Variants in NCAM1 observed in about 807,000 individuals in gnomAD.
NCAM1 encodes neural cell adhesion molecule 1, also known as antigen recognized by monoclonal antibody 5.1H11.
NCAM1 carries 14 observed loss-of-function variants against 109.8 expected under a neutral mutation model. The observed-to-expected ratio is 0.13, with a 90% CI of 0.08 to 0.20. The LOEUF is 0.20. Ranked by LOEUF, NCAM1 falls within the 10% of genes least tolerant of loss-of-function variation. The pLI is 1.00. For missense variants in NCAM1, 774 were observed against 1,109.9 expected, an observed-to-expected ratio of 0.70 and a Z score of 4.30; for synonymous variants, 418 against 442.9, an observed-to-expected ratio of 0.94 and a Z score of 0.70.
intron 1 of NCAM1, among the ~76,000 whole-genome samples, chr11:113,067,802 G>A (rs1260552709): frequency 5.3e-5 from 8 of 151,968 alleles, no homozygotes; most frequent in African/African-American, 1.9e-4. Context: ...TTTGAGAAAT[G>A]TCGTGTTAAC....
chr11:113,185,906 A>G (rs932567220), intron 1 of NCAM1, among the ~76,000 whole-genome samples: 1 of 152,142 alleles, frequency 6.6e-6, no homozygotes, highest in Admixed American at 6.6e-5. Flanking sequence ...GTAGCAAGGA[A>G]ATCTATTTTT....
At chr11:113,108,221 T>C (rs1271100203) in intron 1 of NCAM1, among the ~76,000 whole-genome samples, 1 of 152,164 alleles carries the variant, frequency 6.6e-6, no homozygotes, top group Non-Finnish European at 1.5e-5. Flanking sequence ...ATCTGTAAAA[T>C]GGGCTTAATT....
At chr11:113,265,138 G>A in intron 17 of NCAM1, 1 of 985,058 alleles carries the variant, frequency 1.0e-6, no homozygotes, top group Non-Finnish European at 1.2e-6. Flanking sequence ...TAGATAATCA[G>A]TGAGGGCTTT....
chr11:113,017,632 G>GTT (rs200241016), intron 1 of NCAM1, among the ~76,000 whole-genome samples: 9 of 63,768 alleles, frequency 1.4e-4, no homozygotes, highest in African/African-American at 4.1e-4. Flanking sequence ...CATCAGTACT[G>GTT]TTTTGTGTGT....
At chr11:113,230,925 AG>A (rs1591440200) in intron 9 of NCAM1, among the ~76,000 whole-genome samples, 1 of 152,218 alleles carries the variant, frequency 6.6e-6, no homozygotes, top group African/African-American at 2.4e-5. Context: ...CCAGAGATTT[AG>A]GAAGCCCATT....
At chr11:113,092,737 C>CT (rs1269894715) in intron 1 of NCAM1, among the ~76,000 whole-genome samples, 2 of 151,816 alleles carry the variant, frequency 1.3e-5, no homozygotes, top group Non-Finnish European at 2.9e-5. Context: ...TGTAGAACTG[C>CT]TTTTTTATCT....
chr11:113,208,561 A>G (rs1419636559), intron 7 of NCAM1, among the ~76,000 whole-genome samples: 1 of 151,476 alleles, frequency 6.6e-6, no homozygotes, highest in Non-Finnish European at 1.5e-5. Context: ...CTTCTGATCC[A>G]CCATTCAGAT....
At chr11:113,234,431 A>G (rs545734493) in intron 13 of NCAM1, among the ~76,000 whole-genome samples, 23 of 152,242 alleles carry the variant, frequency 1.5e-4, no homozygotes, top group African/African-American at 5.3e-4. Flanking sequence ...TGTACCCATT[A>G]AACACTAGCT....
At chr11:113,261,341 A>G (rs1463806814) in intron 17 of NCAM1, among the ~76,000 whole-genome samples, 1 of 152,134 alleles carries the variant, frequency 6.6e-6, no homozygotes, top group Non-Finnish European at 1.5e-5. Flanking sequence ...GAGCAGCAAC[A>G]AAACGGGATC....
Position 113,204,458 on chromosome 11 carries a change from C to T in NCAM1, c.300C>T (p.Gly100=). 2 of 1,613,934 alleles carry T rather than the reference C, an allele frequency of 1.2e-6. No homozygotes were observed. Among genetic ancestry groups the T allele is most frequent in the East Asian group, 2.2e-5 (1 of 44,876 alleles). The stretch of plus-strand genomic sequence containing the variant: ...GCATTTACAAGTGTGTGGTTACAGG[C>T]GAGGATGGCAGTGAGTCAGAGGCCA... ...DAGIYKCVVT[G]EDGSESEATV... is the part of the protein sequence containing the mutation. Residue 100 remains glycine, a synonymous_variant, in exon 3 of 20, where the codon GGC becomes GGT. Coordinates refer to ENST00000316851, the MANE Select transcript of NCAM1 (RefSeq NM_181351.5).
chr11:113,115,645 C>T (rs112490747), intron 1 of NCAM1, among the ~76,000 whole-genome samples: 278 of 152,300 alleles, frequency 1.8e-3, no homozygotes, highest in Non-Finnish European at 3.2e-3. Context: ...AACAAAAGAT[C>T]AGAGAAGCCA....
At chr11:113,129,508 T>C (rs1941311706) in intron 1 of NCAM1, among the ~76,000 whole-genome samples, 1 of 152,182 alleles carries the variant, frequency 6.6e-6, no homozygotes, top group African/African-American at 2.4e-5. Context: ...ATCCATCATT[T>C]GCTCTCTAAA....
Position 113,275,308 on chromosome 11 carries a change from A to C in NCAM1, c.2498A>C (p.Glu833Ala). The change falls in exon 20 of 20, where the codon GAA becomes GCA. Residue 833 changes from glutamate to alanine, a missense_variant. By Grantham distance (107) the Glu-to-Ala change is moderately radical. This residue lies in a region of NCAM1 where 122 missense variants were observed against 129.7 expected (regional missense o/e 0.94). Transcript: ENST00000316851. ...GCAAAGCCAGAGTGCCAGGAGACAG[A>C]AACGAAGCCAGCGCCAGCCGAAGTC... ...VEAKPECQET[E>A]TKPAPAEVKT... The C allele has an allele frequency of 6.2e-7, 1 of 1,613,854 alleles. No individual in the cohort carries two copies.
At position 113,274,166 on chromosome 11, in the gene NCAM1, G is replaced by C. The variant is rs1336109351; in HGVS notation, c.2457-1101G>C. Among the ~76,000 whole-genome samples the C allele has an allele frequency of 6.6e-6, 1 of 152,170 alleles. No individual in the cohort carries two copies. Among genetic ancestry groups the C allele is most frequent in the Non-Finnish European group, 1.5e-5 (1 of 68,022 alleles). ...AAGGCACTGATGTGCAGGAAGAAAA[G>C]AGGTAGGCCCCAGGCCCGTGGCAGG... On this transcript the variant is annotated intron_variant, in intron 19 of 19. Coordinates refer to ENST00000316851, the MANE Select transcript of NCAM1 (RefSeq NM_181351.5). The surrounding 1 kb of genome is among the most constrained non-coding windows in gnomAD (Gnocchi z 4.1).
intron 1 of NCAM1, among the ~76,000 whole-genome samples, chr11:112,965,339 G>A (rs1314985253): frequency 6.6e-6 from 1 of 152,124 alleles, no homozygotes; most frequent in Non-Finnish European, 1.5e-5. Context: ...CAATAAGAAG[G>A]AGAAATTAGT....
At chr11:113,047,243 T>C (rs544599293) in intron 1 of NCAM1, among the ~76,000 whole-genome samples, 10 of 152,292 alleles carry the variant, frequency 6.6e-5, no homozygotes, top group Non-Finnish European at 1.2e-4. Context: ...TTTATTTAAC[T>C]AAGTATTTAT....
rs548017218 is a variant in NCAM1 at position 113,033,421 on chromosome 11, T to C, written c.52+71757T>C. Among the ~76,000 whole-genome samples, 8 of 152,212 alleles carry C rather than the reference T, an allele frequency of 5.3e-5. No homozygotes were observed. In the East Asian group the frequency reaches 5.8e-4, roughly 11 times the overall value. On this transcript the variant is annotated intron_variant, in intron 1 of 19. Transcript: ENST00000316851. ...GCTTCAGGATGTATTAAAACAAGCGTGGAGACAGAATGAAGACTGATGAAA... is the reference window on the plus strand; with the variant it reads ...GCTTCAGGATGTATTAAAACAAGCGCGGAGACAGAATGAAGACTGATGAAA...
chr11:113,144,821 T>C (rs1555101060), intron 1 of NCAM1, among the ~76,000 whole-genome samples: 1 of 152,204 alleles, frequency 6.6e-6, no homozygotes, highest in East Asian at 1.9e-4. Flanking sequence ...AAATCGTGTA[T>C]GTAAAGAGCC....
Position 113,231,636 on chromosome 11 carries a change from C to A in NCAM1, c.1090-9C>A. The A allele has an allele frequency of 2.5e-6, 4 of 1,613,030 alleles. No individual in the cohort carries two copies. The highest frequency in any genetic ancestry group is 3.4e-6 in the Non-Finnish European group (4 of 1,179,318). ...TCTGACATGCTCCCTTCCCCCCCAC[C>A]CCCGGCAGACTCTGGATGGGCACAT... On this transcript the variant is annotated splice_polypyrimidine_tract_variant and intron_variant, in intron 9 of 19. Coordinates refer to ENST00000316851, the MANE Select transcript of NCAM1 (RefSeq NM_181351.5).
Sources: gnomAD v4.1 joint callset for allele counts (sites outside exome capture counted in the v4.1 genomes callset) on GRCh38, gnomAD v4.1.1 for gene constraint, gnomAD v4.1.1 regional missense constraint, Gnocchi (gnomAD v3.1) non-coding constraint, MANE v1.5 for transcripts, NCBI Gene and HGNC (gene_info 2026-07-23, HGNC 2026-07-21) for gene names.